PPIL1: variants seen among roughly 807,000 people sequenced by gnomAD.
The protein encoded by PPIL1 is peptidylprolyl isomerase like 1, also known as peptidyl-prolyl cis-trans isomerase-like 1.
In PPIL1, 14 loss-of-function variants were observed where a neutral mutation model predicts 19.4. The ratio of observed to expected loss-of-function variants is 0.72; its 90% CI spans 0.48 to 1.13. The LOEUF is 1.13. Ranked by LOEUF, PPIL1 falls within the 50% of genes most tolerant of loss-of-function variation. The pLI, the probability that PPIL1 is intolerant of heterozygous loss-of-function variation, is 0.00. For synonymous variants in PPIL1, 72 were observed against 73.6 expected (o/e 0.98, Z 0.11); for missense variants, 192 against 218.0 (o/e 0.88, Z 0.75).
intron 2 of PPIL1, among the ~76,000 whole-genome samples, chr6:36,863,871 T>G (rs1174266263): frequency 1.3e-5 from 2 of 151,754 alleles, no homozygotes; most frequent in Non-Finnish European, 2.9e-5. Flanking sequence ...CGACTCCACA[T>G]TCTCCTGGTG....
intron 1 of PPIL1, among the ~76,000 whole-genome samples, chr6:36,872,540 G>A (rs1224286121): frequency 6.6e-6 from 1 of 152,104 alleles, no homozygotes; most frequent in African/African-American, 2.4e-5. Context: ...ATAAGGAAGA[G>A]GCAAGAGAAA....
In PPIL1 at chr6:36,874,768, G is replaced by A. The variant is rs1355398513; in HGVS notation, c.5C>T (p.Ala2Val). 3.1e-6 allele frequency: 5 copies of A among 1,614,152 alleles called. No individual in the cohort carries two copies. Among genetic ancestry groups the A allele is most frequent in the Non-Finnish European group, 4.2e-6 (5 of 1,179,998 alleles). M[A>V]AIPPDSWQPP... ...CTGCCAGGAATCTGGGGGAATTGCC[G>A]CCATAGCGAAGCCGGCGGCGGAATG... is the stretch of plus-strand genomic sequence containing the variant. Residue 2 changes from alanine (A) to valine (V), a missense_variant, in exon 1 of 4, where the codon GCG becomes GTG. Physicochemically the swap from Ala to Val is moderately conservative, Grantham distance 64. Transcript: ENST00000373699.
chr6:36,859,424 CAAAAAAAAAAAA>C, intron 2 of PPIL1, among the ~76,000 whole-genome samples: 1 of 73,208 alleles, frequency 1.4e-5, no homozygotes, highest in South Asian at 5.2e-4. Context: ...GACCCTGTCT[CAAAAAAAAAAAA>C]AAAAAAAAAA....
At chr6:36,867,125 G>A (rs1159273819) in intron 2 of PPIL1, among the ~76,000 whole-genome samples, 1 of 152,238 alleles carries the variant, frequency 6.6e-6, no homozygotes, top group South Asian at 2.1e-4. Context: ...TTCACAGGAC[G>A]AGCCAGGGGC....
intron 1 of PPIL1, 25 bp from the exon 2 acceptor site, chr6:36,871,897 C>G (rs772430665): frequency 3.6e-5 from 55 of 1,546,016 alleles, no homozygotes; most frequent in Non-Finnish European, 4.6e-5. Flanking sequence ...GACAACAGCT[C>G]CAGTAAACAA....
intron 1 of PPIL1, among the ~76,000 whole-genome samples, chr6:36,874,219 C>T (rs1256814154): frequency 6.6e-6 from 1 of 152,152 alleles, no homozygotes; most frequent in African/African-American, 2.4e-5. Context: ...GGGCATGGCG[C>T]CAGCAGGTTG....
chr6:36,871,934 T>G, intron 1 of PPIL1, 62 bp from the exon 2 acceptor site: 1 of 1,416,006 alleles, frequency 7.1e-7, no homozygotes. Context: ...AGGAGTATTA[T>G]GGAACTGCTC....
intron 2 of PPIL1, among the ~76,000 whole-genome samples, chr6:36,869,709 T>G (rs1226479791): frequency 1.3e-5 from 2 of 152,064 alleles, no homozygotes; most frequent in African/African-American, 4.8e-5. Flanking sequence ...GAATGATGAG[T>G]GCAGAACAGA....
At position 36,855,954 on chromosome 6, in the gene PPIL1, C is replaced by G; in HGVS notation, c.360G>C (p.Gln120His). 6.2e-7 allele frequency: 1 copy of G among 1,614,206 alleles called. No homozygotes were observed. The highest frequency in any genetic ancestry group is 8.5e-7 in the Non-Finnish European group (1 of 1,180,038). ...SQFFVTLAPT[Q>H]WLDGKHTIFG... ...AAATGGTGTGTTTGCCGTCAAGCCA[C>G]TGGGTGGGGGCGAGGGTCACAAAGA... Residue 120 changes from glutamine to histidine, a missense_variant, in exon 4 of 4, where the codon CAG becomes CAC. Physicochemically the swap from Gln to His is conservative, Grantham distance 24. Coordinates refer to ENST00000373699, the MANE Select transcript of PPIL1 (RefSeq NM_016059.5).
chr6:36,863,926 T>C (rs1380557295), intron 2 of PPIL1, among the ~76,000 whole-genome samples: 4 of 152,092 alleles, frequency 2.6e-5, no homozygotes, highest in African/African-American at 9.6e-5. Context: ...GCCCCTCTGC[T>C]TTCACAGGTG....
intron 2 of PPIL1, among the ~76,000 whole-genome samples, chr6:36,864,908 G>C (rs960409186): frequency 3.3e-5 from 5 of 151,908 alleles, no homozygotes; most frequent in Non-Finnish European, 7.4e-5. Context: ...ATTCACTGTT[G>C]TATCTCCAGC....
chr6:36,857,393 C>G (rs1477782626), intron 2 of PPIL1, among the ~76,000 whole-genome samples: 4 of 152,194 alleles, frequency 2.6e-5, no homozygotes, highest in Non-Finnish European at 4.4e-5. Flanking sequence ...TGGCTCACAT[C>G]TAAAATCTCA....
At chr6:36,856,869 T>C (rs1480135656) in intron 2 of PPIL1, among the ~76,000 whole-genome samples, 1 of 152,208 alleles carries the variant, frequency 6.6e-6, no homozygotes, top group Non-Finnish European at 1.5e-5. Flanking sequence ...CTTTTCAAAA[T>C]AACGCTATTT....
intron 2 of PPIL1, 53 bp from the exon 3 acceptor site, chr6:36,856,707 C>G: frequency 6.6e-7 from 1 of 1,514,494 alleles, no homozygotes; most frequent in Non-Finnish European, 9.2e-7. Flanking sequence ...TTCTATCTCA[C>G]AGCAAGAATG....
chr6:36,869,344 G>A (rs1455854666), intron 2 of PPIL1, among the ~76,000 whole-genome samples: 7 of 152,156 alleles, frequency 4.6e-5, no homozygotes, highest in Non-Finnish European at 1.0e-4. Flanking sequence ...AGAAGTCCAA[G>A]GTCAAGTGGC....
intron 2 of PPIL1, among the ~76,000 whole-genome samples, chr6:36,865,560 T>C (rs963786335): frequency 2.0e-5 from 3 of 152,184 alleles, no homozygotes; most frequent in Admixed American, 1.3e-4. Flanking sequence ...ACTCCTGCCC[T>C]GTACCCACCC....
At chr6:36,872,374 T>C (rs1774529912) in intron 1 of PPIL1, among the ~76,000 whole-genome samples, 1 of 152,164 alleles carries the variant, frequency 6.6e-6, no homozygotes, top group African/African-American at 2.4e-5. Flanking sequence ...GTATTTTTGA[T>C]CCATGTAAAT....
At chr6:36,864,938 C>T (rs1459859137) in intron 2 of PPIL1, among the ~76,000 whole-genome samples, 1 of 151,934 alleles carries the variant, frequency 6.6e-6, no homozygotes, top group African/African-American at 2.4e-5. Flanking sequence ...AGTGCCTGGC[C>T]TACAGAAGGA....
intron 2 of PPIL1, among the ~76,000 whole-genome samples, chr6:36,860,985 CTG>C (rs902062208): frequency 7.2e-5 from 11 of 152,196 alleles, no homozygotes; most frequent in African/African-American, 2.6e-4. Context: ...CCATAATGCT[CTG>C]TCTTATCTTT....
Sources: gnomAD v4.1 joint callset for allele counts (sites outside exome capture counted in the v4.1 genomes callset) on GRCh38, gnomAD v4.1.1 for gene constraint, MANE v1.5 for transcripts, NCBI Gene and HGNC (gene_info 2026-07-23, HGNC 2026-07-21) for gene names.